The following CDHR3 variants were observed in gnomAD, a reference collection of about 807,000 sequenced individuals.
CDHR3 encodes cadherin-related family member 3.
A neutral mutation model predicts 86.6 loss-of-function variants in CDHR3; 79 were observed. The ratio of observed to expected loss-of-function variants is 0.91; its 90% CI spans 0.76 to 1.10. The LOEUF is 1.10. CDHR3 is among the 50% of genes least tolerant of loss of function. The pLI is 0.00. For missense variants in CDHR3, 1,081 were observed against 1,077.6 expected (o/e 1.00, Z -0.04); for synonymous variants, 421 against 402.4 (o/e 1.05, Z -0.55).
At chr7:105,975,388 C>A (rs1828652188) in intron 2 of CDHR3, among the ~76,000 whole-genome samples, 1 of 152,180 alleles carries the variant, frequency 6.6e-6, no homozygotes, top group Non-Finnish European at 1.5e-5. Flanking sequence ...ATATTGATCT[C>A]CCTAAAAGCC....
At position 106,032,412 on chromosome 7, in the gene CDHR3, A is replaced by C; in HGVS notation, c.2373A>C (p.Glu791Asp). ...AIDPVTGETY[E>D]FNSKTGARKW... is the part of the protein sequence containing the mutation. ...CACTAGTGACCGGGGAAACATATGA[A>C]TTCAACTCAAAAACTGGAGCCAGAA... is the stretch of plus-strand genomic sequence containing the variant. The change falls in exon 19 of 19, where the codon GAA becomes GAC. Residue 791 changes from glutamate to aspartate, a missense_variant. Glu to Asp is a conservative substitution (Grantham distance 45). Transcript: ENST00000317716. The C allele has an allele frequency of 6.2e-7, 1 of 1,610,900 alleles. No individual in the cohort carries two copies. The highest frequency in any genetic ancestry group is 2.2e-5 in the East Asian group (1 of 44,782).
chr7:106,019,692 C>T (rs187477796), intron 12 of CDHR3, among the ~76,000 whole-genome samples: 4 of 152,300 alleles, frequency 2.6e-5, no homozygotes, highest in Admixed American at 1.3e-4. Context: ...GGCAGGTTAG[C>T]TCTAGGGCTT....
rs1167671014 is a variant in CDHR3 at position 106,028,916 on chromosome 7, TTTTCTTTCTTTCTTTCTTTCTTTC to T, written c.2304+390_2304+413del. ...GCTTCAGCCTCCAGTGAGATTTAAATTTTCTTTCTTTCTTTCTTTCTTTCTTTCTTTCTTTCTTTCTTTCTTTCT... is the reference window on the plus strand; with the variant it reads ...GCTTCAGCCTCCAGTGAGATTTAAATTTTCTTTCTTTCTTTCTTTCTTTCT... On this transcript the variant is annotated intron_variant, in intron 17 of 18. Coordinates refer to ENST00000317716, the MANE Select transcript of CDHR3 (RefSeq NM_152750.5). 1.3e-3 allele frequency among the ~76,000 whole-genome samples: 106 copies of T among 83,082 alleles called. 2 individuals are homozygous for T. The South Asian group carries it at 0.016, about 13-fold the overall frequency. 54.5% of individuals were successfully genotyped at this position (83,082 alleles called of 152,430 possible).
intron 8 of CDHR3, among the ~76,000 whole-genome samples, chr7:106,007,958 G>A (rs1365229618): frequency 2.9e-4 from 44 of 152,326 alleles, no homozygotes; most frequent in Non-Finnish European, 5.9e-5. Flanking sequence ...CGTGGCTGGG[G>A]AAGCCTCACA....
intron 1 of CDHR3, among the ~76,000 whole-genome samples, chr7:105,966,994 G>C (rs1047503583): frequency 6.6e-6 from 1 of 151,656 alleles, no homozygotes; most frequent in Non-Finnish European, 1.5e-5. Context: ...TAGGGTACAG[G>C]TGCACAATGT....
chr7:105,975,167 G>A lies in CDHR3; in HGVS notation c.249+121G>A, dbSNP rs181397702. On this transcript the variant is annotated intron_variant, in intron 2 of 18. Transcript: ENST00000317716. ...TCTGGTTTAATCTTCCCTCTTGTAA[G>A]GTCCAGGAGTCCTGTCTGAGGCATC... The A allele has an allele frequency of 9.2e-4, 815 of 882,900 alleles. 2 individuals carry two copies. The highest frequency in any genetic ancestry group is 1.2e-3 in the Middle Eastern group (4 of 3,268). 54.7% of individuals were successfully genotyped at this position (882,900 alleles called of 1,614,324 possible).
intron 6 of CDHR3, among the ~76,000 whole-genome samples, chr7:105,997,370 T>C (rs551851901): frequency 8.6e-5 from 13 of 152,040 alleles, no homozygotes; most frequent in Admixed American, 4.6e-4. Flanking sequence ...CAGCCTGGGC[T>C]GCAGTTCCTT....
chr7:106,008,037 G>T (rs916932605), intron 8 of CDHR3, among the ~76,000 whole-genome samples: 2 of 152,184 alleles, frequency 1.3e-5, no homozygotes, highest in African/African-American at 4.8e-5. Context: ...GAGAGAGCTT[G>T]TGCAGGGAAA....
chr7:105,965,562 G>C (rs1585450077), intron 1 of CDHR3, among the ~76,000 whole-genome samples: 5 of 56,328 alleles, frequency 8.9e-5, no homozygotes, highest in Non-Finnish European at 1.7e-4. Context: ...CCCAACTCAA[G>C]CCCCACCCCC....
At chr7:106,019,539 A>G in intron 12 of CDHR3, among the ~76,000 whole-genome samples, 1 of 152,216 alleles carries the variant, frequency 6.6e-6, no homozygotes, top group East Asian at 1.9e-4. Flanking sequence ...GCTTTTTAAA[A>G]GGGGTGATGA....
At chr7:105,966,151 C>T (rs1288564998) in intron 1 of CDHR3, among the ~76,000 whole-genome samples, 1 of 152,164 alleles carries the variant, frequency 6.6e-6, no homozygotes, top group Non-Finnish European at 1.5e-5. Flanking sequence ...TCCATCAGTC[C>T]CAAAGGATCA....
At chr7:105,963,449 A>G in intron 1 of CDHR3, 85 bp downstream of exon 1, 5 of 1,437,408 alleles carry the variant, frequency 3.5e-6, no homozygotes, top group Non-Finnish European at 4.9e-6. Context: ...CCAGAAAGGA[A>G]ATTGCCCCTG....
At chr7:106,029,714 G>A (rs1838049318) in intron 17 of CDHR3, among the ~76,000 whole-genome samples, 1 of 152,122 alleles carries the variant, frequency 6.6e-6, no homozygotes, top group Non-Finnish European at 1.5e-5. Context: ...TAATTCAATG[G>A]CTCCTCCAAT....
chr7:105,986,014 T>A (rs907217702), intron 4 of CDHR3, among the ~76,000 whole-genome samples: 7 of 152,324 alleles, frequency 4.6e-5, no homozygotes, highest in African/African-American at 1.7e-4. Flanking sequence ...CCTCTTTTTC[T>A]CACCTCATGA....
chr7:105,964,672 A>C (rs2115575901), intron 1 of CDHR3, among the ~76,000 whole-genome samples: 1 of 152,288 alleles, frequency 6.6e-6, no homozygotes, highest in African/African-American at 2.4e-5. Context: ...ATGTAAGAAT[A>C]TTCAAGTACT....
chr7:106,032,561 A>G lies in CDHR3; in HGVS notation c.2522A>G (p.Asp841Gly), dbSNP rs1395329879. The stretch of plus-strand genomic sequence containing the variant: ...CTGAGAAGTGCCAACTGGGAAGAAG[A>G]TGAGCTGAGTGGCAAAGCGTGGGCT... ...GSLRSANWEE[D>G]ELSGKAWAED... Residue 841 changes from aspartate to glycine, a missense_variant, in exon 19 of 19, where the codon GAT becomes GGT. Physicochemically the swap from Asp to Gly is moderately conservative, Grantham distance 94. Coordinates refer to ENST00000317716, the MANE Select transcript of CDHR3 (RefSeq NM_152750.5). 1 of 1,613,842 alleles carries G rather than the reference A, an allele frequency of 6.2e-7. No homozygotes were observed. Among genetic ancestry groups the G allele is most frequent in the Non-Finnish European group, 8.5e-7 (1 of 1,179,854 alleles).
At chr7:106,017,568 C>CACACAG in intron 11 of CDHR3, among the ~76,000 whole-genome samples, 1 of 122,712 alleles carries the variant, frequency 8.1e-6, no homozygotes, top group African/African-American at 3.3e-5. Context: ...CACACAGACA[C>CACACAG]ACACACACAC....
At position 106,012,971 on chromosome 7, in the gene CDHR3, A is replaced by G. The variant is rs1406881051; in HGVS notation, c.1164A>G (p.Pro388=). 2 of 1,613,632 alleles carry G rather than the reference A, an allele frequency of 1.2e-6. No individual in the cohort carries two copies. The highest frequency in any genetic ancestry group is 2.2e-5 in the East Asian group (1 of 44,858). Residue 388 remains proline, a synonymous_variant, in exon 9 of 19, where the codon CCA becomes CCG. Coordinates refer to ENST00000317716, the MANE Select transcript of CDHR3 (RefSeq NM_152750.5). ...ACAACAGATTCAACTTCACCATGCC[A>G]TCTGGAGTGGGGAGCGGCAGCAGAT... The part of the protein sequence containing the change: ...APNNRFNFTM[P]SGVGSGSRFL...
chr7:106,024,414 G>A lies in CDHR3; in HGVS notation c.2110G>A (p.Val704Ile), dbSNP rs200546105. Residue 704 changes from valine (V) to isoleucine (I), a missense_variant, in exon 15 of 19, where the codon GTT becomes ATT. By Grantham distance (29) the Val-to-Ile change is conservative (BLOSUM62 3). Coordinates refer to ENST00000317716, the MANE Select transcript of CDHR3 (RefSeq NM_152750.5). ...RVTYQVLRKN[V>I]YSPSAWYVPF... The stretch of plus-strand genomic sequence containing the variant: ...CACCTATCAGGTCCTGAGGAAAAAC[G>A]TTTACTCTCCATCTGCATGGTACGT... 380 of 1,613,858 alleles carry A rather than the reference G, an allele frequency of 2.4e-4. No homozygotes were observed. The highest frequency in any genetic ancestry group is 1.3e-3 in the Middle Eastern group (8 of 6,084).
Sources: gnomAD v4.1 joint callset for allele counts (sites outside exome capture counted in the v4.1 genomes callset) on GRCh38, gnomAD v4.1.1 for gene constraint, MANE v1.5 for transcripts, NCBI Gene and HGNC (gene_info 2026-07-23, HGNC 2026-07-21) for gene names.